The following RIMS2 variants were observed in gnomAD, a reference collection of about 807,000 sequenced individuals.
RIMS2 encodes regulating synaptic membrane exocytosis protein 2.
In RIMS2, 59 loss-of-function variants were observed where a neutral mutation model predicts 174.4. The ratio of observed to expected loss-of-function variants is 0.34; its 90% CI spans 0.27 to 0.42. RIMS2 has a LOEUF of 0.42. RIMS2 is among the 10% of genes least tolerant of loss of function. RIMS2 has a pLI of 1.00. For missense variants in RIMS2, 1,620 were observed against 1,666.3 expected (o/e 0.97, Z 0.48); for synonymous variants, 606 against 572.5 (o/e 1.06, Z -0.84).
chr8:104,244,697 A>G (rs2099321063), intron 19 of RIMS2, among the ~76,000 whole-genome samples: 1 of 152,218 alleles, frequency 6.6e-6, no homozygotes, highest in Admixed American at 6.5e-5. Context: ...AAATAAAACA[A>G]TGGTGTTTTG....
At chr8:103,523,612 G>T (rs139170686) in intron 1 of RIMS2, among the ~76,000 whole-genome samples, 143 of 152,222 alleles carry the variant, frequency 9.4e-4, no homozygotes, top group Middle Eastern at 3.4e-3. Flanking sequence ...GAGGGGTATG[G>T]TGTTGGGGGA....
chr8:104,227,706 A>G (rs2099196962), intron 19 of RIMS2, among the ~76,000 whole-genome samples: 1 of 152,092 alleles, frequency 6.6e-6, no homozygotes, highest in South Asian at 2.1e-4. Context: ...TATGTGATGA[A>G]TTTGGCCTGC....
chr8:103,897,395 AG>A (rs2154523167), intron 4 of RIMS2, among the ~76,000 whole-genome samples: 1 of 151,774 alleles, frequency 6.6e-6, no homozygotes, highest in Admixed American at 6.6e-5. Context: ...CTCCTTTGTC[AG>A]GTAGCCATAA....
rs1315455489 is a variant in RIMS2 at position 103,608,858 on chromosome 8, G to A, written c.177-88228G>A. ...CCTCGCCCTGCTTTGGCTCGCGCAC[G>A]GTGCACGCACCCACTGACCTGCGCC... On this transcript the variant is annotated intron_variant, in intron 1 of 23. Transcript: ENST00000504942. Among the ~76,000 whole-genome samples, 3 of 152,180 alleles carry A rather than the reference G, an allele frequency of 2.0e-5. 1 individual carries two copies. The highest frequency in any genetic ancestry group is 2.9e-5 in the Non-Finnish European group (2 of 68,028).
rs576335478 is a variant in RIMS2 at position 103,841,942 on chromosome 8, G to A, written c.699-43356G>A. Among the ~76,000 whole-genome samples, 405 of 151,162 alleles carry A rather than the reference G, an allele frequency of 2.7e-3. 2 individuals carry two copies. Among genetic ancestry groups the A allele is most frequent in the Non-Finnish European group, 4.4e-3 (302 of 67,882 alleles). ...TGCACTCCAGCTTGGGCGACAAAGC[G>A]AGACTCCGTCTCAAAAAGAAAAAAG... is the stretch of plus-strand genomic sequence containing the variant. On this transcript the variant is annotated intron_variant, in intron 3 of 23. Transcript: ENST00000504942.
At chr8:103,937,116 G>GATAAATAA (rs140284516) in intron 13 of RIMS2, among the ~76,000 whole-genome samples, 44 of 150,286 alleles carry the variant, frequency 2.9e-4, no homozygotes, top group East Asian at 1.6e-3. Flanking sequence ...AATAATTAAA[G>GATAAATAA]ATAAATAAAT....
chr8:103,960,860 G>T (rs138684482), intron 14 of RIMS2, among the ~76,000 whole-genome samples: 80 of 152,180 alleles, frequency 5.3e-4, no homozygotes, highest in African/African-American at 1.7e-3. Context: ...TGTATAAATT[G>T]TTAACTCCTC....
intron 1 of RIMS2, among the ~76,000 whole-genome samples, chr8:103,634,537 A>G (rs2096025305): frequency 1.3e-5 from 2 of 152,196 alleles, no homozygotes; most frequent in South Asian, 2.1e-4. Context: ...TATCAGATCC[A>G]TTTGGTACAA....
intron 19 of RIMS2, among the ~76,000 whole-genome samples, chr8:104,024,898 C>A (rs1370696203): frequency 6.6e-6 from 1 of 152,092 alleles, no homozygotes; most frequent in Non-Finnish European, 1.5e-5. Context: ...TCCGCTATTA[C>A]CTAATGGCTT....
At chr8:104,154,562 A>G (rs1199760457) in intron 19 of RIMS2, among the ~76,000 whole-genome samples, 1 of 152,242 alleles carries the variant, frequency 6.6e-6, no homozygotes, top group Non-Finnish European at 1.5e-5. Flanking sequence ...TAAGAAATAG[A>G]AATTTTAAAA....
In RIMS2 at chr8:104,073,532, A is replaced by G. The variant is rs143509242; in HGVS notation, c.3334+58917A>G. On this transcript the variant is annotated intron_variant, in intron 19 of 23. Coordinates refer to ENST00000504942, the Ensembl canonical transcript of RIMS2. Reference sequence around the variant, plus strand: ...ATCACAAAAATGTCTCACTCCTATTATAGCAGTTATATCATAATTTTCCAT... The same window carrying G: ...ATCACAAAAATGTCTCACTCCTATTGTAGCAGTTATATCATAATTTTCCAT... Among the ~76,000 whole-genome samples, 41 of 152,302 alleles carry G rather than the reference A, an allele frequency of 2.7e-4. No homozygotes were observed. In the East Asian group the frequency reaches 6.7e-3, roughly 25 times the overall value.
At chr8:104,148,626 C>A in intron 19 of RIMS2, 2 of 1,597,684 alleles carry the variant, frequency 1.3e-6, no homozygotes, top group East Asian at 4.5e-5. Flanking sequence ...ATCCAAAATG[C>A]AAAGCAGACA....
At chr8:103,534,660 A>G (rs1004397118) in intron 1 of RIMS2, among the ~76,000 whole-genome samples, 11 of 152,204 alleles carry the variant, frequency 7.2e-5, no homozygotes, top group African/African-American at 2.7e-4. Flanking sequence ...TTTGCAATTG[A>G]TTTGGATCAT....
At chr8:104,110,416 T>C (rs2098160118) in intron 19 of RIMS2, among the ~76,000 whole-genome samples, 1 of 152,174 alleles carries the variant, frequency 6.6e-6, no homozygotes, top group African/African-American at 2.4e-5. Context: ...CATTAAAAAG[T>C]CTTTTTCTGA....
intron 19 of RIMS2, among the ~76,000 whole-genome samples, chr8:104,099,752 G>T (rs558822291): frequency 9.9e-5 from 15 of 151,954 alleles, no homozygotes; most frequent in Admixed American, 2.6e-4. Context: ...ACAAAATGTT[G>T]TTCCATTTAT....
At chr8:104,191,641 C>A (rs2098998348) in intron 19 of RIMS2, among the ~76,000 whole-genome samples, 1 of 152,120 alleles carries the variant, frequency 6.6e-6, no homozygotes, top group Non-Finnish European at 1.5e-5. Flanking sequence ...TTGTATTAAC[C>A]AGTCTTTAAC....
chr8:103,640,446 C>T (rs2096204458), intron 1 of RIMS2, among the ~76,000 whole-genome samples: 1 of 151,734 alleles, frequency 6.6e-6, no homozygotes, highest in South Asian at 2.1e-4. Flanking sequence ...TTCTAGTTTA[C>T]TAAGGTAGAA....
At chr8:104,049,170 C>G (rs2096743137) in intron 19 of RIMS2, among the ~76,000 whole-genome samples, 1 of 150,542 alleles carries the variant, frequency 6.6e-6, no homozygotes, top group Non-Finnish European at 1.5e-5. Context: ...CGCCTGTATT[C>G]CCAACACTTT....
intron 19 of RIMS2, among the ~76,000 whole-genome samples, chr8:104,147,377 T>C (rs888368621): frequency 5.9e-5 from 9 of 152,102 alleles, no homozygotes; most frequent in African/African-American, 2.2e-4. Context: ...ACACTGGGTC[T>C]TTTACCGCCT....
Sources: gnomAD v4.1 joint callset for allele counts (sites outside exome capture counted in the v4.1 genomes callset) on GRCh38, gnomAD v4.1.1 for gene constraint, MANE v1.5 for transcripts, NCBI Gene and HGNC (gene_info 2026-07-23, HGNC 2026-07-21) for gene names.